The following LRMDA variants were observed in gnomAD, a reference collection of about 807,000 sequenced individuals.
LRMDA encodes the protein leucine rich melanocyte differentiation associated.
Under a neutral mutation model 29.8 loss-of-function variants are expected in LRMDA, and 18 were observed. The ratio of observed to expected loss-of-function variants is 0.60; its 90% CI spans 0.42 to 0.90. The LOEUF (loss-of-function observed/expected upper bound fraction) is 0.90. Among genes scored for constraint, LRMDA ranks in the 40% least tolerant of loss-of-function variants. The pLI is 0.00. For missense variants in LRMDA, 273 were observed against 273.9 expected, an observed-to-expected ratio of 1.00 and a Z score of 0.02; for synonymous variants, 125 against 109.4, an observed-to-expected ratio of 1.14 and a Z score of -0.89.
At chr10:76,527,075 G>A (rs1843184468) in intron 6 of LRMDA, among the ~76,000 whole-genome samples, 3 of 148,452 alleles carry the variant, frequency 2.0e-5, no homozygotes, top group East Asian at 3.9e-4. Context: ...AAAAGAAGAG[G>A]TGGAGCTGGG....
intron 2 of LRMDA, among the ~76,000 whole-genome samples, chr10:75,954,877 A>T (rs569328513): frequency 1.3e-5 from 2 of 152,328 alleles, no homozygotes; most frequent in South Asian, 2.1e-4. Context: ...GAGTGGGAGA[A>T]GTTTTGGGAA....
chr10:75,645,080 T>C (rs1482791778), intron 2 of LRMDA, among the ~76,000 whole-genome samples: 1 of 151,816 alleles, frequency 6.6e-6, no homozygotes, highest in Non-Finnish European at 1.5e-5. Flanking sequence ...CCTCTTGGGC[T>C]CAAGCGATTC....
rs185115524 is a variant in LRMDA at position 75,577,579 on chromosome 10, A to G, written c.131+139085A>G. Reference sequence around the variant, plus strand: ...CTGGAGAAGAGCAACCCCAAGACACATAATTGTCAGATTCACCAAGGTTGA... The same window carrying G: ...CTGGAGAAGAGCAACCCCAAGACACGTAATTGTCAGATTCACCAAGGTTGA... On this transcript the variant is annotated intron_variant, in intron 2 of 6. Coordinates refer to ENST00000611255, the MANE Select transcript of LRMDA (RefSeq NM_001305581.2). 4.7e-4 allele frequency among the ~76,000 whole-genome samples: 71 copies of G among 152,284 alleles called. No individual in the cohort carries two copies. In the East Asian group the frequency reaches 0.013, roughly 29 times the overall value.
intron 6 of LRMDA, among the ~76,000 whole-genome samples, chr10:76,336,001 A>C (rs1030533256): frequency 4.6e-5 from 7 of 152,172 alleles, no homozygotes; most frequent in African/African-American, 9.7e-5. Flanking sequence ...CCTGGCCAAC[A>C]GGAGGGAGTC....
intron 2 of LRMDA, among the ~76,000 whole-genome samples, chr10:75,511,821 A>G (rs1348285101): frequency 1.3e-5 from 2 of 152,124 alleles, no homozygotes; most frequent in Non-Finnish European, 2.9e-5. Context: ...TCCCCACCAG[A>G]GAGAATTGGG....
intron 6 of LRMDA, among the ~76,000 whole-genome samples, chr10:76,547,643 G>T (rs1279289001): frequency 6.6e-6 from 1 of 152,042 alleles, no homozygotes; most frequent in Admixed American, 6.6e-5. Context: ...GTGACGGGGT[G>T]GCTTTTTCCT....
intron 2 of LRMDA, among the ~76,000 whole-genome samples, chr10:75,811,773 AAC>A (rs1843965113): frequency 6.6e-6 from 1 of 152,202 alleles, no homozygotes; most frequent in Non-Finnish European, 1.5e-5. Flanking sequence ...TTGGGCCTGG[AAC>A]ACACGGCAAA....
chr10:75,654,323 G>A (rs1318018639), intron 2 of LRMDA, among the ~76,000 whole-genome samples: 2 of 152,156 alleles, frequency 1.3e-5, no homozygotes, highest in Admixed American at 6.5e-5. Context: ...GTCTTAGAGG[G>A]TGACTAAGAT....
chr10:76,456,996 T>C (rs1842463308), intron 6 of LRMDA, among the ~76,000 whole-genome samples: 1 of 152,194 alleles, frequency 6.6e-6, no homozygotes, highest in Admixed American at 6.5e-5. Context: ...GTCTTAGCCG[T>C]AACTCCGACT....
chr10:76,302,579 G>A (rs942116463), intron 5 of LRMDA, among the ~76,000 whole-genome samples: 2 of 152,106 alleles, frequency 1.3e-5, no homozygotes, highest in African/African-American at 4.8e-5. Context: ...GTGATTGCTG[G>A]AGTGGATACT....
At chr10:76,509,659 A>G (rs977393458) in intron 6 of LRMDA, among the ~76,000 whole-genome samples, 1 of 152,250 alleles carries the variant, frequency 6.6e-6, no homozygotes, top group South Asian at 2.1e-4. Context: ...AGTGGTTTGC[A>G]GGATCACTGC....
At chr10:76,418,893 T>G (rs767611998) in intron 6 of LRMDA, among the ~76,000 whole-genome samples, 4 of 152,094 alleles carry the variant, frequency 2.6e-5, no homozygotes, top group Non-Finnish European at 5.9e-5. Flanking sequence ...ATTAATGTGA[T>G]GAATTACATT....
chr10:76,486,517 A>G (rs1387929098), intron 6 of LRMDA, among the ~76,000 whole-genome samples: 2 of 152,066 alleles, frequency 1.3e-5, no homozygotes, highest in East Asian at 3.9e-4. Context: ...TCTGTTATCT[A>G]GCTGTCTCTT....
chr10:75,608,488 C>A lies in LRMDA; in HGVS notation c.131+169994C>A, dbSNP rs146969258. The stretch of plus-strand genomic sequence containing the variant: ...CTAAGAGAGTAGATCTTAAGTGTTC[C>A]CACCACACACAAAAAATGGTAACTA... On this transcript the variant is annotated intron_variant, in intron 2 of 6. Coordinates refer to ENST00000611255, the MANE Select transcript of LRMDA (RefSeq NM_001305581.2). Among the ~76,000 whole-genome samples, 38 of 152,028 alleles carry A rather than the reference C, an allele frequency of 2.5e-4. No individual in the cohort carries two copies. The East Asian group carries it at 7.0e-3, about 28-fold the overall frequency.
At chr10:76,400,398 A>T (rs1841835898) in intron 6 of LRMDA, among the ~76,000 whole-genome samples, 1 of 152,250 alleles carries the variant, frequency 6.6e-6, no homozygotes, top group Non-Finnish European at 1.5e-5. Context: ...AAAGTGTGAG[A>T]CAACAAATAT....
chr10:75,680,556 T>C (rs1186077076), intron 2 of LRMDA, among the ~76,000 whole-genome samples: 1 of 152,212 alleles, frequency 6.6e-6, no homozygotes, highest in Non-Finnish European at 1.5e-5. Flanking sequence ...TTACATATTG[T>C]ATATGCTCAA....
At chr10:76,238,414 T>C (rs1047743355) in intron 5 of LRMDA, among the ~76,000 whole-genome samples, 1 of 152,182 alleles carries the variant, frequency 6.6e-6, no homozygotes, top group Non-Finnish European at 1.5e-5. Context: ...GTCTGTTGCC[T>C]GTAATACTCA....
intron 6 of LRMDA, among the ~76,000 whole-genome samples, chr10:76,468,735 C>A (rs1842588729): frequency 6.6e-6 from 1 of 152,160 alleles, no homozygotes; most frequent in South Asian, 2.1e-4. Flanking sequence ...AGTTAAACTT[C>A]TCACAGAACA....
chr10:76,538,559 C>T (rs1379712012), intron 6 of LRMDA, among the ~76,000 whole-genome samples: 2 of 144,830 alleles, frequency 1.4e-5, no homozygotes, highest in African/African-American at 2.5e-5. Flanking sequence ...TATATATACA[C>T]ACACACACAC....
Sources: allele counts gnomAD v4.1 joint callset (sites outside exome capture counted in the v4.1 genomes callset), GRCh38; gene constraint gnomAD v4.1.1; transcripts MANE v1.5; gene names NCBI Gene and HGNC (gene_info 2026-07-23, HGNC 2026-07-21).